The following PPIL2 variants were observed in gnomAD, a reference collection of about 807,000 sequenced individuals.
PPIL2 encodes RING-type E3 ubiquitin-protein ligase PPIL2.
In PPIL2, 50 loss-of-function variants were observed where a neutral mutation model predicts 75.2. The ratio of observed to expected loss-of-function variants is 0.66; its 90% CI spans 0.53 to 0.84. The LOEUF (loss-of-function observed/expected upper bound fraction) is 0.84. Ranked by LOEUF, PPIL2 falls within the 40% of genes least tolerant of loss-of-function variation. PPIL2 has a pLI of 0.00. For missense variants in PPIL2, 590 were observed against 685.0 expected (o/e 0.86, Z 1.55); for synonymous variants, 245 against 258.8 (o/e 0.95, Z 0.51).
chr22:21,684,895 A>G lies in PPIL2; in HGVS notation c.696A>G (p.Lys232=). Residue 232 remains lysine (K), a synonymous_variant, in exon 10 of 20, where the codon AAA becomes AAG. Transcript: ENST00000398831. ...CCATGAAGGCCCCGGAGAAGAAGAAAGTGGACAAGCTGAACGCTGTGAGTG... is the reference window on the plus strand; with the variant it reads ...CCATGAAGGCCCCGGAGAAGAAGAAGGTGGACAAGCTGAACGCTGTGAGTG... ...AATMKAPEKK[K]VDKLNAAHYS... The G allele has an allele frequency of 1.2e-6, 2 of 1,614,020 alleles. No individual in the cohort carries two copies. The highest frequency in any genetic ancestry group is 1.7e-6 in the Non-Finnish European group (2 of 1,179,898).
At chr22:21,677,624 T>C (rs2066931273) in intron 6 of PPIL2, among the ~76,000 whole-genome samples, 2 of 152,156 alleles carry the variant, frequency 1.3e-5, no homozygotes, top group African/African-American at 4.8e-5. Context: ...GCAGGGAGGT[T>C]GCAGTGAGCC....
rs542548637 is a variant in PPIL2 at position 21,670,844 on chromosome 22, G to A, written c.129-153G>A. On this transcript the variant is annotated intron_variant, in intron 3 of 19. Coordinates refer to ENST00000398831, the MANE Select transcript of PPIL2 (RefSeq NM_014337.4). ...GGGTGGCACAAACACTATTGTAGTT[G>A]GAGGAGAAGGTTGGTGAGAGAGGGA... The A allele has an allele frequency of 9.0e-6, 8 of 889,824 alleles. No homozygotes were observed. The South Asian group carries it at 1.1e-4, about 12-fold the overall frequency. 55.1% of individuals were successfully genotyped at this position (889,824 alleles called of 1,614,324 possible).
Position 21,697,071 on chromosome 22 carries a change from C to G in PPIL2, c.*1581C>G. ...GTCGGGCCCCTGGGCTCTAGAGTGA[C>G]TTTTGACGCCCTCCATCCCTCCCGC... is the stretch of plus-strand genomic sequence containing the variant. On this transcript the variant is annotated 3_prime_UTR_variant, in exon 20 of 20. Transcript: ENST00000398831. 7.3e-7 allele frequency: 1 copy of G among 1,371,984 alleles called. No homozygotes were observed. The highest frequency in any genetic ancestry group is 9.9e-7 in the Non-Finnish European group (1 of 1,010,440). The allele number at this position is 1,371,984 out of a possible 1,614,324, so 85.0% of individuals were successfully genotyped here.
Position 21,695,417 on chromosome 22 carries a change from C to CCTCAACCAGTGCA in PPIL2, c.1502_1503insACTCAACCAGTGC (p.Thr502LeufsTer82). 1 of 1,609,884 alleles carries CCTCAACCAGTGCA rather than the reference C, an allele frequency of 6.2e-7. No individual in the cohort carries two copies. Among genetic ancestry groups the CCTCAACCAGTGCA allele is most frequent in the Non-Finnish European group, 8.5e-7 (1 of 1,178,186 alleles). ...AGGAAGCGAGCAGCAGAGGAAGAGC[C>CCTCAACCAGTGCA]CTCAACCAGTGCCACTGTCCCCATG... On this transcript the variant is annotated frameshift_variant, in exon 20 of 20. Coordinates refer to ENST00000398831, the MANE Select transcript of PPIL2 (RefSeq NM_014337.4). LOFTEE classifies it high-confidence loss of function.
At chr22:21,690,918 C>A (rs2067592294) in intron 15 of PPIL2, among the ~76,000 whole-genome samples, 1 of 150,610 alleles carries the variant, frequency 6.6e-6, no homozygotes, top group South Asian at 2.1e-4. Context: ...TTGGCTTAAC[C>A]AGCCTGTGAA....
chr22:21,679,779 A>AT (rs547385505), intron 6 of PPIL2, among the ~76,000 whole-genome samples: 4 of 151,524 alleles, frequency 2.6e-5, no homozygotes, highest in East Asian at 3.9e-4. Flanking sequence ...TCAAATCAGG[A>AT]TTTTTTTTAA....
chr22:21,686,552 G>A lies in PPIL2; in HGVS notation c.784G>A (p.Glu262Lys). 6.2e-7 allele frequency: 1 copy of A among 1,614,076 alleles called. No homozygotes were observed. The highest frequency in any genetic ancestry group is 8.5e-7 in the Non-Finnish European group (1 of 1,179,950). ...CGCGATGGTCCCGGAGACCACACAT[G>A]AAGCAGGTAGCCACCTTGGCCTCTG... ...STAMVPETTH[E>K]AAAIDEDVLR... Residue 262 changes from glutamate (E) to lysine (K), a missense_variant, in exon 11 of 20, where the codon GAA becomes AAA. By Grantham distance (56) the Glu-to-Lys change is moderately conservative. Coordinates refer to ENST00000398831, the MANE Select transcript of PPIL2 (RefSeq NM_014337.4).
intron 9 of PPIL2, 105 bp downstream of exon 9, chr22:21,683,362 G>T: frequency 2.2e-6 from 2 of 898,102 alleles, no homozygotes; most frequent in Non-Finnish European, 3.5e-6. Flanking sequence ...GGGGGTCCCA[G>T]CCCAGACAGG....
intron 19 of PPIL2, 33 bp from the exon 20 acceptor site, chr22:21,695,361 G>T (rs775288966): frequency 2.1e-5 from 33 of 1,571,124 alleles, no homozygotes; most frequent in Non-Finnish European, 2.9e-5. Flanking sequence ...CTGAGGGAGG[G>T]TGTGGGCTCC....
At chr22:21,684,653 G>A in intron 9 of PPIL2, 100 bp from the exon 10 acceptor site, 1 of 1,448,026 alleles carries the variant, frequency 6.9e-7, no homozygotes, top group Non-Finnish European at 9.3e-7. Flanking sequence ...CCTGCGCCAT[G>A]GCTGGACGGC....
chr22:21,693,868 G>A lies in PPIL2; in HGVS notation c.1192G>A (p.Gly398Arg). 6.5e-7 allele frequency: 1 copy of A among 1,539,046 alleles called. No homozygotes were observed. Among genetic ancestry groups the A allele is most frequent in the Non-Finnish European group, 9.0e-7 (1 of 1,111,768 alleles). The change falls in exon 16 of 20, where the codon GGA becomes AGA. Residue 398 changes from glycine to arginine, a missense_variant. Gly to Arg is a moderately radical substitution (Grantham distance 125). Transcript: ENST00000398831. The stretch of plus-strand genomic sequence containing the variant: ...CCTGGACAAGAAGCATACCATCTTT[G>A]GACGGTAAGGGAAGCGGCTGTGTGA... Reference protein sequence around the residue: ...AYLDKKHTIFGRVVGGFDVLT... With the variant: ...AYLDKKHTIFRRVVGGFDVLT...
chr22:21,697,263 G>C lies in PPIL2; in HGVS notation c.*1773G>C. 1 of 439,398 alleles carries C rather than the reference G, an allele frequency of 2.3e-6. No individual in the cohort carries two copies. Among genetic ancestry groups the C allele is most frequent in the East Asian group, 4.4e-5 (1 of 22,976 alleles). 27.2% of individuals were successfully genotyped at this position (439,398 alleles called of 1,614,324 possible). On this transcript the variant is annotated 3_prime_UTR_variant, in exon 20 of 20. Transcript: ENST00000398831. ...GAGCCAGCGTCCAGGGTACAGGTGC[G>C]GGTGGTGGGGATGAAGGCCTGACCA... is the stretch of plus-strand genomic sequence containing the variant.
intron 19 of PPIL2, 123 bp downstream of exon 19, chr22:21,695,193 C>T: frequency 1.4e-6 from 2 of 1,405,304 alleles, no homozygotes; most frequent in Middle Eastern, 4.6e-4. Flanking sequence ...TGGGCTTGTG[C>T]TGTGTGGCCT....
intron 9 of PPIL2, 101 bp downstream of exon 9, chr22:21,683,358 C>T: frequency 1.9e-6 from 2 of 1,026,494 alleles, no homozygotes; most frequent in Non-Finnish European, 1.5e-6. Context: ...GTCAGGGGGT[C>T]CCAGCCCAGA....
chr22:21,669,406 C>T (rs1449876958), intron 1 of PPIL2: 2 of 450,554 alleles, frequency 4.4e-6, no homozygotes, highest in African/African-American at 4.0e-5. Flanking sequence ...GCCTTGGCCT[C>T]CCAAACTGTT....
intron 14 of PPIL2, 119 bp downstream of exon 14, chr22:21,688,225 C>A: frequency 7.6e-7 from 1 of 1,308,434 alleles, no homozygotes; most frequent in Non-Finnish European, 1.1e-6. Context: ...CAGGGTGGAA[C>A]GACTGGCAGC....
At chr22:21,666,223 A>G in intron 1 of PPIL2, 92 bp downstream of exon 1, 1 of 1,420,722 alleles carries the variant, frequency 7.0e-7, no homozygotes, top group South Asian at 1.3e-5. Flanking sequence ...CCTCTCAGCT[A>G]CTCCCCAGAG....
At chr22:21,694,521 G>A (rs561133300) in intron 16 of PPIL2, 72 bp from the exon 17 acceptor site, 12 of 1,556,518 alleles carry the variant, frequency 7.7e-6, no homozygotes, top group East Asian at 2.3e-5. Context: ...CTCTTCCCAC[G>A]TGCCTTGGGG....
chr22:21,673,850 G>A (rs2148509451), intron 5 of PPIL2, among the ~76,000 whole-genome samples: 1 of 152,330 alleles, frequency 6.6e-6, no homozygotes, highest in East Asian at 1.9e-4. Flanking sequence ...GGAGGAGCCT[G>A]TTGTGTTGGG....
Sources: allele counts gnomAD v4.1 joint callset (sites outside exome capture counted in the v4.1 genomes callset), GRCh38; gene constraint gnomAD v4.1.1; transcripts MANE v1.5; gene names NCBI Gene and HGNC (gene_info 2026-07-23, HGNC 2026-07-21).